The following ANKFY1 variants were observed in gnomAD, a reference collection of about 807,000 sequenced individuals.
ANKFY1 encodes ankyrin repeat and FYVE domain containing 1.
In ANKFY1, 47 loss-of-function variants were observed where a neutral mutation model predicts 128.3. The ratio of observed to expected loss-of-function variants is 0.37; its 90% CI spans 0.29 to 0.47. The LOEUF (loss-of-function observed/expected upper bound fraction) is 0.47, where lower values mean the gene tolerates loss of function less well. Among genes scored for constraint, ANKFY1 ranks in the 20% least tolerant of loss-of-function variants. The pLI is 1.00. For missense variants in ANKFY1, 1,222 were observed against 1,510.6 expected (o/e 0.81, Z 3.17); for synonymous variants, 553 against 601.6 (o/e 0.92, Z 1.18).
intron 3 of ANKFY1, among the ~76,000 whole-genome samples, chr17:4,218,076 A>T (rs542180053): frequency 3.3e-5 from 5 of 152,372 alleles, no homozygotes; most frequent in African/African-American, 1.2e-4. Flanking sequence ...ACAAATAGGT[A>T]ATTCACAAAG....
intron 1 of ANKFY1, among the ~76,000 whole-genome samples, chr17:4,254,463 T>C (rs1968012345): frequency 6.6e-6 from 1 of 152,146 alleles, no homozygotes; most frequent in Non-Finnish European, 1.5e-5. Flanking sequence ...AGCAGCCTCT[T>C]GCAGGTGGAA....
intron 4 of ANKFY1, among the ~76,000 whole-genome samples, chr17:4,210,298 A>T (rs2060102358): frequency 6.6e-6 from 1 of 152,244 alleles, no homozygotes; most frequent in Non-Finnish European, 1.5e-5. Flanking sequence ...CTGTCCTTCA[A>T]AGAAAATTTA....
rs572606909 is a variant in ANKFY1, at chr17:4,254,303, C to CAAAA, written c.10+9625_10+9628dup. The stretch of plus-strand genomic sequence containing the variant: ...TGGACCACAGAGTGAGACTCCATCT[C>CAAAA]AAAAAAAAAAAAAAAAAAAAAAAAA... On this transcript the variant is annotated intron_variant, in intron 1 of 24. Transcript: ENST00000341657. Among the ~76,000 whole-genome samples the CAAAA allele has an allele frequency of 3.4e-4, 28 of 81,920 alleles. No homozygotes were observed. In the East Asian group the frequency reaches 3.5e-3, roughly 10 times the overall value. 53.7% of individuals were successfully genotyped at this position (81,920 alleles called of 152,430 possible). A position where few individuals can be genotyped will look rare whatever the true frequency, so the allele number is the denominator to read the frequency against.
At chr17:4,263,559 G>C in intron 1 of ANKFY1, 3 of 1,484,038 alleles carry the variant, frequency 2.0e-6, no homozygotes, top group Admixed American at 2.0e-5. Context: ...GAACGTGCCA[G>C]GACAGCAGTT....
intron 14 of ANKFY1, 98 bp from the exon 15 acceptor site, chr17:4,182,447 T>G: frequency 1.1e-6 from 1 of 915,122 alleles, no homozygotes; most frequent in Non-Finnish European, 1.6e-6. Flanking sequence ...CTTCTGTCTC[T>G]AATCATATTC....
At chr17:4,205,471 G>A (rs190421729) in intron 7 of ANKFY1, among the ~76,000 whole-genome samples, 5 of 152,138 alleles carry the variant, frequency 3.3e-5, no homozygotes, top group African/African-American at 7.2e-5. Context: ...GGGAGGACGC[G>A]GTGGCTCACG....
At chr17:4,175,980 A>T (rs1313433734) in intron 19 of ANKFY1, among the ~76,000 whole-genome samples, 1 of 152,162 alleles carries the variant, frequency 6.6e-6, no homozygotes, top group African/African-American at 2.4e-5. Context: ...AACCTCCTCC[A>T]GCCCTACAGA....
At chr17:4,239,488 A>C (rs1411142631) in intron 2 of ANKFY1, among the ~76,000 whole-genome samples, 1 of 152,160 alleles carries the variant, frequency 6.6e-6, no homozygotes, top group African/African-American at 2.4e-5. Context: ...GAAAGGGCTA[A>C]GTTGATAGCA....
In ANKFY1 at chr17:4,178,962, A is replaced by G. The variant is rs761444608; in HGVS notation, c.2493T>C (p.Asn831=). ...GGGTCAGCCCTTGTCTGTCTCGTAC[A>G]TTCAAATGGATATCGGGGTGAGAAA... ...LLVSHPDIHL[N]VRDRQGLTPF... The change falls in exon 18 of 25, where the codon AAT becomes AAC. Residue 831 remains asparagine (N), a synonymous_variant. Transcript: ENST00000341657. This position sits in a 1 kb window ranked among gnomAD's most constrained non-coding sequence, Gnocchi z 4.1. 9 of 1,614,214 alleles carry G rather than the reference A, an allele frequency of 5.6e-6. No individual in the cohort carries two copies. The South Asian group carries it at 9.9e-5, about 18-fold the overall frequency.
At chr17:4,200,058 TGGGGA>T (rs2059900118) in intron 7 of ANKFY1, among the ~76,000 whole-genome samples, 1 of 130,354 alleles carries the variant, frequency 7.7e-6, no homozygotes, top group South Asian at 3.0e-4. Context: ...AGTTGGGTTT[TGGGGA>T]TTTTTTTTTT....
chr17:4,194,109 T>A (rs1253382642), intron 10 of ANKFY1, among the ~76,000 whole-genome samples: 492 of 101,822 alleles, frequency 4.8e-3, no homozygotes, highest in Non-Finnish European at 7.1e-3. Context: ...ATATATTTTT[T>A]TTTTTTTTTT....
chr17:4,223,985 G>A (rs2060375071), intron 3 of ANKFY1, among the ~76,000 whole-genome samples: 1 of 152,056 alleles, frequency 6.6e-6, no homozygotes. Context: ...TTAATAATGT[G>A]GCATATTTTC....
intron 1 of ANKFY1, among the ~76,000 whole-genome samples, chr17:4,243,744 T>C (rs937788852): frequency 6.6e-6 from 1 of 152,158 alleles, no homozygotes; most frequent in Non-Finnish European, 1.5e-5. Context: ...ATGGTTCAGA[T>C]GGAGGCATGC....
chr17:4,169,335 C>T lies in ANKFY1; in HGVS notation c.3287-47G>A, dbSNP rs186161322. On this transcript the variant is annotated intron_variant, in intron 23 of 24. Coordinates refer to ENST00000341657, the MANE Select transcript of ANKFY1 (RefSeq NM_001330063.2). The surrounding 1 kb of genome is among the most constrained non-coding windows in gnomAD (Gnocchi z 5.0). ...CGGTCCCGTCAAACCGCGACGGCGC[C>T]ACGCAAGCCCCAGGGCTTGGAGGCA... The T allele has an allele frequency of 1.4e-6, 2 of 1,439,062 alleles. No homozygotes were observed. Among genetic ancestry groups the T allele is most frequent in the East Asian group, 2.5e-5 (1 of 39,978 alleles). 89.1% of individuals were successfully genotyped at this position (1,439,062 alleles called of 1,614,324 possible).
intron 1 of ANKFY1, among the ~76,000 whole-genome samples, chr17:4,257,184 G>C (rs1221365804): frequency 6.6e-6 from 1 of 152,096 alleles, no homozygotes; most frequent in Admixed American, 6.6e-5. Flanking sequence ...GGTTTCAAAA[G>C]TCCTGTCTTT....
intron 3 of ANKFY1, among the ~76,000 whole-genome samples, chr17:4,219,344 G>A (rs1319557466): frequency 6.6e-6 from 1 of 152,196 alleles, no homozygotes; most frequent in Non-Finnish European, 1.5e-5. Flanking sequence ...TGGGCCAGGA[G>A]ATTCAGCCTC....
At chr17:4,242,628 C>G (rs146925366) in intron 1 of ANKFY1, among the ~76,000 whole-genome samples, 180 bp from the exon 2 acceptor site, 4 of 152,342 alleles carry the variant, frequency 2.6e-5, no homozygotes, top group African/African-American at 9.6e-5. Context: ...TACGGTGGCT[C>G]ACACCTGTAA....
intron 4 of ANKFY1, among the ~76,000 whole-genome samples, chr17:4,210,813 AC>A (rs2060115799): frequency 1.3e-5 from 2 of 149,440 alleles, no homozygotes; most frequent in Non-Finnish European, 1.5e-5. Context: ...CCTAGGATCT[AC>A]TGAGGTCAGG....
At chr17:4,225,012 GT>G (rs1483752878) in intron 3 of ANKFY1, among the ~76,000 whole-genome samples, 2 of 138,902 alleles carry the variant, frequency 1.4e-5, no homozygotes, top group Admixed American at 1.4e-4. Context: ...GTATAAACTT[GT>G]TTTTTTAAAC....
Sources: allele counts gnomAD v4.1 joint callset (sites outside exome capture counted in the v4.1 genomes callset), GRCh38; gene constraint gnomAD v4.1.1; non-coding constraint Gnocchi (gnomAD v3.1); transcripts MANE v1.5; gene names NCBI Gene and HGNC (gene_info 2026-07-23, HGNC 2026-07-21).